Variants in PAX5 observed in about 807,000 individuals in gnomAD.
The protein encoded by PAX5 is paired box 5.
A neutral mutation model predicts 43.7 loss-of-function variants in PAX5; 9 were observed. That is an observed-to-expected ratio of 0.21 (90% CI 0.12 to 0.36). The LOEUF is 0.36. PAX5 is among the 10% of genes least tolerant of loss of function. The probability of loss-of-function intolerance (pLI) is 1.00; values close to 1 mark genes in which losing one functional copy is unlikely to be tolerated. For synonymous variants in PAX5, 228 were observed against 214.3 expected, an observed-to-expected ratio of 1.06 and a Z score of -0.56; for missense variants, 383 against 532.7, an observed-to-expected ratio of 0.72 and a Z score of 2.77.
chr9:36,947,845 G>C (rs186828251), intron 6 of PAX5, among the ~76,000 whole-genome samples: 1 of 150,014 alleles, frequency 6.7e-6, no homozygotes, highest in African/African-American at 2.5e-5. Flanking sequence ...CCATGCTTTT[G>C]TTCTTTCTCT....
intron 8 of PAX5, among the ~76,000 whole-genome samples, chr9:36,850,573 G>T (rs537751335): frequency 2.6e-5 from 4 of 152,122 alleles, no homozygotes; most frequent in Non-Finnish European, 4.4e-5. Context: ...CGGGCCCTTC[G>T]CCTCCTTCTA....
chr9:36,952,908 T>C (rs944706112), intron 6 of PAX5, among the ~76,000 whole-genome samples: 3 of 152,190 alleles, frequency 2.0e-5, no homozygotes. Context: ...AAGGTCTTAT[T>C]TTACCTTCAT....
chr9:36,937,753 A>G (rs1168240081), intron 6 of PAX5, among the ~76,000 whole-genome samples: 1 of 152,242 alleles, frequency 6.6e-6, no homozygotes, highest in Non-Finnish European at 1.5e-5. Flanking sequence ...AGATAGGTTT[A>G]GCCGCAGATG....
intron 6 of PAX5, among the ~76,000 whole-genome samples, chr9:36,939,601 T>A (rs1831863587): frequency 6.6e-6 from 1 of 152,220 alleles, no homozygotes; most frequent in Non-Finnish European, 1.5e-5. Context: ...AATATCTGCA[T>A]GTAAATGTCG....
Position 36,934,351 on chromosome 9 carries a change from C to T in PAX5, c.781-10867G>A, listed in dbSNP as rs1831377267. On this transcript the variant is annotated intron_variant, in intron 6 of 9. Transcript: ENST00000358127. The stretch of plus-strand genomic sequence containing the variant: ...CCAGTGCTAGACTCATAAATAAATA[C>T]TTTGAAAATGTCTACTGAAAAAACA... Among the ~76,000 whole-genome samples the T allele has an allele frequency of 1.3e-5, 2 of 152,198 alleles. 1 individual carries two copies. The highest frequency in any genetic ancestry group is 4.1e-4 in the South Asian group (2 of 4,822).
chr9:37,034,098 CTTTTTTTTTTTTTTTTTTTTTTTTTTTT>C lies in PAX5; in HGVS notation c.-95_-68del. 2 of 313,510 alleles carry C rather than the reference CTTTTTTTTTTTTTTTTTTTTTTTTTTTT, an allele frequency of 6.4e-6. No homozygotes were observed. The highest frequency in any genetic ancestry group is 1.1e-5 in the Non-Finnish European group (2 of 178,542). 19.4% of individuals were successfully genotyped at this position (313,510 alleles called of 1,614,324 possible). A position where few individuals can be genotyped will look rare whatever the true frequency, so the allele number is the denominator to read the frequency against. The stretch of plus-strand genomic sequence containing the variant: ...TCCACTTTTTTGTGCCTTTTTTTTT[CTTTTTTTTTTTTTTTTTTTTTTTTTTTT>C]GGTGCCAGGGGCCGCTCACAGGTCG... On this transcript the variant is annotated 5_prime_UTR_variant, in exon 1 of 10. Transcript: ENST00000358127.
chr9:37,031,414 CCAGAA>C (rs1255649351), intron 1 of PAX5, among the ~76,000 whole-genome samples: 1 of 152,194 alleles, frequency 6.6e-6, no homozygotes, highest in Admixed American at 6.5e-5. Flanking sequence ...CAGGCTCATT[CCAGAA>C]CTGTGAGACT....
At position 36,928,439 on chromosome 9, in the gene PAX5, T is replaced by C. The variant is rs116347847; in HGVS notation, c.781-4955A>G. Among the ~76,000 whole-genome samples, 294 of 152,336 alleles carry C rather than the reference T, an allele frequency of 1.9e-3. 1 individual carries two copies. The highest frequency in any genetic ancestry group is 6.8e-3 in the African/African-American group (284 of 41,578). ...CCCTTGTCTATGCTTCCATACTTGG[T>C]GGCTTTTTGCACAGACCTCCATTAT... is the stretch of plus-strand genomic sequence containing the variant. On this transcript the variant is annotated intron_variant, in intron 6 of 9. Coordinates refer to ENST00000358127, the MANE Select transcript of PAX5 (RefSeq NM_016734.3).
At chr9:36,889,579 C>T (rs143140836) in intron 7 of PAX5, among the ~76,000 whole-genome samples, 5 of 152,334 alleles carry the variant, frequency 3.3e-5, no homozygotes, top group Non-Finnish European at 7.3e-5. Context: ...CTTATCCAAA[C>T]GGAGGCGTTC....
rs558423463 is a variant in PAX5, at chr9:36,835,283, G to A, written c.*5277C>T. The A allele has an allele frequency of 1.5e-4, 34 of 233,118 alleles. No homozygotes were observed. The East Asian group carries it at 2.1e-3, about 14-fold the overall frequency. The allele number at this position is 233,118 out of a possible 1,614,324, so 14.4% of individuals were successfully genotyped here. ...TTCTGAGGTTCCCTTCAATCCTGGG[G>A]TGCCCAGGAACGGAGCCTCAGTGCT... is the stretch of plus-strand genomic sequence containing the variant. On this transcript the variant is annotated 3_prime_UTR_variant, in exon 10 of 10. Coordinates refer to ENST00000358127, the MANE Select transcript of PAX5 (RefSeq NM_016734.3).
chr9:37,001,296 TG>T (rs1271315240), intron 5 of PAX5, among the ~76,000 whole-genome samples: 8 of 152,192 alleles, frequency 5.3e-5, no homozygotes, highest in African/African-American at 1.7e-4. Context: ...CCTCAGCCTC[TG>T]GGGGAGTCTC....
At chr9:36,868,901 G>C (rs975154230) in intron 8 of PAX5, among the ~76,000 whole-genome samples, 1 of 152,150 alleles carries the variant, frequency 6.6e-6, no homozygotes, top group African/African-American at 2.4e-5. Flanking sequence ...GCTAACAGCT[G>C]TGTGTCCCTT....
Position 36,991,772 on chromosome 9 carries a change from G to T in PAX5, c.604+10876C>A, listed in dbSNP as rs559644284. 3.5e-5 allele frequency among the ~76,000 whole-genome samples: 5 copies of T among 141,222 alleles called. No homozygotes were observed. In the East Asian group the frequency reaches 1.1e-3, roughly 32 times the overall value. 92.6% of individuals were successfully genotyped at this position (141,222 alleles called of 152,430 possible). On this transcript the variant is annotated intron_variant, in intron 5 of 9. Coordinates refer to ENST00000358127, the MANE Select transcript of PAX5 (RefSeq NM_016734.3). ...TCGATGGTGCCACCTGGTGGCTGGT[G>T]CTGGGAAGTGTCTGACTCCCTCATC...
intron 5 of PAX5, among the ~76,000 whole-genome samples, chr9:36,973,088 A>AACGGAACGGAAC (rs1564026594): frequency 1.3e-4 from 11 of 87,840 alleles, no homozygotes; most frequent in Non-Finnish European, 2.0e-4. Context: ...CGGAACGGAA[A>AACGGAACGGAAC]GGAAAGGAAA....
At chr9:36,955,564 C>T (rs1216239880) in intron 6 of PAX5, among the ~76,000 whole-genome samples, 34 of 151,816 alleles carry the variant, frequency 2.2e-4, no homozygotes, top group Admixed American at 2.2e-3. Context: ...TTTGCAGGAG[C>T]TTTGGTTCCC....
intron 7 of PAX5, among the ~76,000 whole-genome samples, chr9:36,897,255 C>A (rs941245979): frequency 6.6e-6 from 1 of 152,114 alleles, no homozygotes; most frequent in Admixed American, 6.5e-5. Flanking sequence ...AGAGGACATG[C>A]GACTGTGAGC....
intron 1 of PAX5, among the ~76,000 whole-genome samples, chr9:37,021,789 C>T (rs947947699): frequency 6.6e-6 from 1 of 152,184 alleles, no homozygotes; most frequent in Non-Finnish European, 1.5e-5. Flanking sequence ...GACCTTATAG[C>T]TGTTAATTAG....
intron 3 of PAX5, among the ~76,000 whole-genome samples, chr9:37,010,939 G>A (rs1022793147): frequency 1.3e-5 from 2 of 152,008 alleles, no homozygotes; most frequent in Admixed American, 6.6e-5. Context: ...TGGGCAACAC[G>A]ATGAAACCCT....
chr9:36,847,903 C>T (rs139944889), intron 8 of PAX5, among the ~76,000 whole-genome samples: 146 of 152,288 alleles, frequency 9.6e-4, no homozygotes, highest in Middle Eastern at 3.4e-3. Flanking sequence ...GCCTGTCTTC[C>T]CCCATGGCTA....
Sources: gnomAD v4.1 joint callset for allele counts (sites outside exome capture counted in the v4.1 genomes callset) on GRCh38, gnomAD v4.1.1 for gene constraint, MANE v1.5 for transcripts, NCBI Gene and HGNC (gene_info 2026-07-23, HGNC 2026-07-21) for gene names.